The following H2AZ1 variants were observed in gnomAD, a reference collection of about 807,000 sequenced individuals.
H2AZ1 encodes H2A.Z variant histone 1, also known as histone H2A.Z.
In H2AZ1, 3 loss-of-function variants were observed where a neutral mutation model predicts 16.6. The ratio of observed to expected loss-of-function variants is 0.18; its 90% CI spans 0.08 to 0.47. The LOEUF is 0.47. Ranked by LOEUF, H2AZ1 falls within the 20% of genes least tolerant of loss-of-function variation. The pLI, the probability that H2AZ1 is intolerant of heterozygous loss-of-function variation, is 0.98. For synonymous variants in H2AZ1, 78 were observed against 60.7 expected, an observed-to-expected ratio of 1.28 and a Z score of -1.32; for missense variants, 27 against 163.6, an observed-to-expected ratio of 0.17 and a Z score of 4.55.
chr4:99,950,261 C>T lies in H2AZ1; in HGVS notation c.-91G>A, dbSNP rs1727249990. Reference sequence around the variant, plus strand: ...CCCACCACCTACTCCTTCGTCGCACCGCGATTCAAACTGCGCTGTCTCCCG... The same window carrying T: ...CCCACCACCTACTCCTTCGTCGCACTGCGATTCAAACTGCGCTGTCTCCCG... On this transcript the variant is annotated 5_prime_UTR_variant, in exon 1 of 5. Transcript: ENST00000296417. 8.0e-7 allele frequency: 1 copy of T among 1,255,992 alleles called. No homozygotes were observed. The highest frequency in any genetic ancestry group is 1.1e-6 in the Non-Finnish European group (1 of 872,250). 77.8% of individuals were successfully genotyped at this position (1,255,992 alleles called of 1,614,324 possible).
intron 3 of H2AZ1, 124 bp from the exon 4 acceptor site, chr4:99,949,064 G>A (rs1270632282): frequency 1.4e-6 from 1 of 732,256 alleles, no homozygotes; most frequent in African/African-American, 1.8e-5. Flanking sequence ...TGACTGGCAA[G>A]ATATACAGGG....
At chr4:99,948,595 G>A (rs1317674124) in intron 4 of H2AZ1, 72 bp from the exon 5 acceptor site, 12 of 1,584,216 alleles carry the variant, frequency 7.6e-6, no homozygotes, top group East Asian at 2.2e-5. Context: ...CCAAGAAAGT[G>A]TATACTGTTC....
chr4:99,949,780 G>A (rs776623315), intron 1 of H2AZ1, 40 bp from the exon 2 acceptor site: 6 of 1,503,464 alleles, frequency 4.0e-6, no homozygotes, highest in South Asian at 3.5e-5. Context: ...GAGGAACGGA[G>A]AATATAGAAT....
chr4:99,948,752 A>G, intron 4 of H2AZ1, 59 bp downstream of exon 4: 2 of 1,560,496 alleles, frequency 1.3e-6, no homozygotes, highest in Non-Finnish European at 1.7e-6. Context: ...AACTAATTAA[A>G]AGCAGCAAAA....
Position 99,948,955 on chromosome 4 carries a change from C to T in H2AZ1, c.196-15G>A, listed in dbSNP as rs778892566. 2.1e-6 allele frequency: 3 copies of T among 1,442,576 alleles called. No homozygotes were observed. The highest frequency in any genetic ancestry group is 2.3e-5 in the South Asian group (2 of 86,766). 89.4% of individuals were successfully genotyped at this position (1,442,576 alleles called of 1,614,324 possible). On this transcript the variant is annotated splice_polypyrimidine_tract_variant and intron_variant, in intron 3 of 4. Transcript: ENST00000296417. ...AGTTCAAGTACCTAAAAGGCAGAAT[C>T]TGTCAGTTGCCTTCCAACTTTCCTT...
intron 3 of H2AZ1, 79 bp downstream of exon 3, chr4:99,949,194 T>A: frequency 3.6e-6 from 3 of 844,760 alleles, no homozygotes; most frequent in Non-Finnish European, 5.8e-6. Context: ...GGAGTTTTCT[T>A]GCATCACTTT....
Position 99,948,093 on chromosome 4 carries a change from G to A in H2AZ1, c.*369C>T. 2.8e-6 allele frequency: 1 copy of A among 358,482 alleles called. No individual in the cohort carries two copies. Among genetic ancestry groups the A allele is most frequent in the Non-Finnish European group, 5.3e-6 (1 of 187,258 alleles). The allele number at this position is 358,482 out of a possible 1,614,324, so 22.2% of individuals were successfully genotyped here. A position where few individuals can be genotyped will look rare whatever the true frequency, so the allele number is the denominator to read the frequency against. On this transcript the variant is annotated 3_prime_UTR_variant, in exon 5 of 5. Transcript: ENST00000296417. ...CAAATTTAATACACAACTAGTTTGG[G>A]ATATGACCTTTATTGAACTTATCCA... is the stretch of plus-strand genomic sequence containing the variant.
chr4:99,949,807 C>A, intron 1 of H2AZ1, 67 bp from the exon 2 acceptor site: 2 of 1,258,794 alleles, frequency 1.6e-6, no homozygotes, highest in South Asian at 1.4e-5. Context: ...GGCGGCGCGC[C>A]CATCCCCCAC....
At chr4:99,948,989 A>T (rs1359804002) in intron 3 of H2AZ1, 49 bp from the exon 4 acceptor site, 1 of 1,125,258 alleles carries the variant, frequency 8.9e-7, no homozygotes, top group Admixed American at 1.7e-5. Context: ...TTTGGCCAAG[A>T]TTCAGAGAAC....
chr4:99,950,256 C>G lies in H2AZ1; in HGVS notation c.-86G>C. ...GAGATCCCACCACCTACTCCTTCGTCGCACCGCGATTCAAACTGCGCTGTC... is the reference window on the plus strand; with the variant it reads ...GAGATCCCACCACCTACTCCTTCGTGGCACCGCGATTCAAACTGCGCTGTC... On this transcript the variant is annotated 5_prime_UTR_variant, in exon 1 of 5. Transcript: ENST00000296417. 7.7e-7 allele frequency: 1 copy of G among 1,301,998 alleles called. No individual in the cohort carries two copies. The highest frequency in any genetic ancestry group is 1.8e-5 in the Admixed American group (1 of 54,298). 80.7% of individuals were successfully genotyped at this position (1,301,998 alleles called of 1,614,324 possible). A position where few individuals can be genotyped will look rare whatever the true frequency, so the allele number is the denominator to read the frequency against.
chr4:99,949,581 G>T, intron 2 of H2AZ1, 82 bp downstream of exon 2: 1 of 1,315,252 alleles, frequency 7.6e-7, no homozygotes, highest in Non-Finnish European at 1.1e-6. Context: ...TACACAAAAC[G>T]CCCATCGAGA....
chr4:99,948,976 T>G (rs372912583), intron 3 of H2AZ1, 36 bp from the exon 4 acceptor site: 4 of 1,251,638 alleles, frequency 3.2e-6, no homozygotes, highest in Admixed American at 1.7e-5. Context: ...CTTCCAACTT[T>G]CCTTTGGCCA....
intron 1 of H2AZ1, 38 bp from the exon 2 acceptor site, chr4:99,949,778 G>C (rs1224157994): frequency 2.6e-6 from 4 of 1,528,638 alleles, no homozygotes; most frequent in African/African-American, 1.4e-5. Context: ...AGGAGGAACG[G>C]AGAATATAGA....
chr4:99,948,486 C>T lies in H2AZ1; in HGVS notation c.363G>A (p.Lys121=), dbSNP rs371942491. 3.0e-5 allele frequency: 48 copies of T among 1,598,152 alleles called. No individual in the cohort carries two copies. The highest frequency in any genetic ancestry group is 1.7e-4 in the Middle Eastern group (1 of 6,056). ...IPHIHKSLIG[K]KGQQKTV ...TTTAGACAGTCTTCTGTTGTCCTTT[C>T]TTCCCAATCAGAGATTTGTGGATGT... is the stretch of plus-strand genomic sequence containing the variant. The change falls in exon 5 of 5, where the codon AAG becomes AAA. Residue 121 remains lysine (K), a synonymous_variant. Transcript: ENST00000296417.
chr4:99,948,611 G>C, intron 4 of H2AZ1, 88 bp from the exon 5 acceptor site: 1 of 1,551,280 alleles, frequency 6.4e-7, no homozygotes. Context: ...TGTTCAACTT[G>C]AAAGGTATCT....
chr4:99,948,956 T>TG lies in H2AZ1; in HGVS notation c.196-17dup, dbSNP rs1727204047. 1 of 1,444,844 alleles carries TG rather than the reference T, an allele frequency of 6.9e-7. No individual in the cohort carries two copies. The highest frequency in any genetic ancestry group is 1.4e-5 in the African/African-American group (1 of 71,658). 89.5% of individuals were successfully genotyped at this position (1,444,844 alleles called of 1,614,324 possible). On this transcript the variant is annotated splice_polypyrimidine_tract_variant and intron_variant, in intron 3 of 4. Transcript: ENST00000296417. ...GTTCAAGTACCTAAAAGGCAGAATC[T>TG]GTCAGTTGCCTTCCAACTTTCCTTT...
At chr4:99,948,773 T>C (rs545675261) in intron 4 of H2AZ1, 38 bp downstream of exon 4, 2 of 1,572,328 alleles carry the variant, frequency 1.3e-6, no homozygotes, top group Non-Finnish European at 1.7e-6. Context: ...AATTCCTTCC[T>C]CTGAAGAAAT....
chr4:99,948,570 TCA>T, intron 4 of H2AZ1, 47 bp from the exon 5 acceptor site: 1 of 1,604,266 alleles, frequency 6.2e-7, no homozygotes, highest in Non-Finnish European at 8.5e-7. Context: ...TTTTAAAAAA[TCA>T]CAGTATTTGA....
At chr4:99,949,473 C>G in intron 2 of H2AZ1, 87 bp from the exon 3 acceptor site, 1 of 1,037,990 alleles carries the variant, frequency 9.6e-7, no homozygotes, top group South Asian at 1.3e-5. Flanking sequence ...GCAAGGGGCA[C>G]GGGCGCAGCA....
Sources: allele counts gnomAD v4.1 joint callset, GRCh38; gene constraint gnomAD v4.1.1; transcripts MANE v1.5; gene names NCBI Gene and HGNC (gene_info 2026-07-23, HGNC 2026-07-21).